HCN1: variants seen among roughly 807,000 people sequenced by gnomAD.
HCN1 encodes the protein hyperpolarization activated cyclic nucleotide gated potassium channel 1.
A neutral mutation model predicts 78.9 loss-of-function variants in HCN1; 13 were observed. The observed-to-expected ratio is 0.16, with a 90% CI of 0.11 to 0.26. HCN1 has a LOEUF of 0.26. HCN1 is among the 10% of genes least tolerant of loss of function. The pLI is 1.00. For missense variants in HCN1, 810 were observed against 1,154.3 expected, an observed-to-expected ratio of 0.70 and a Z score of 4.32; for synonymous variants, 552 against 455.5, an observed-to-expected ratio of 1.21 and a Z score of -2.70.
chr5:45,267,661 G>A (rs530466560), intron 6 of HCN1, among the ~76,000 whole-genome samples: 6 of 152,060 alleles, frequency 3.9e-5, no homozygotes, highest in African/African-American at 1.2e-4. Context: ...CCAGCTACTC[G>A]GGAGGCTGAG....
At chr5:45,668,735 T>C (rs1000432097) in intron 1 of HCN1, among the ~76,000 whole-genome samples, 3 of 151,958 alleles carry the variant, frequency 2.0e-5, no homozygotes, top group African/African-American at 7.2e-5. Flanking sequence ...TGTTACATTC[T>C]GTGACAAGAA....
chr5:45,307,052 C>T (rs1006875711), intron 5 of HCN1, among the ~76,000 whole-genome samples: 1 of 151,928 alleles, frequency 6.6e-6, no homozygotes, highest in South Asian at 2.1e-4. Context: ...GAACAAGAAC[C>T]CCACAGTAAT....
At chr5:45,581,529 A>G (rs1744072710) in intron 2 of HCN1, among the ~76,000 whole-genome samples, 1 of 151,958 alleles carries the variant, frequency 6.6e-6, no homozygotes, top group Non-Finnish European at 1.5e-5. Context: ...GTTTAATTAG[A>G]TCCCATTTGT....
At chr5:45,625,710 G>C (rs1745151387) in intron 2 of HCN1, among the ~76,000 whole-genome samples, 1 of 151,458 alleles carries the variant, frequency 6.6e-6, no homozygotes, top group African/African-American at 2.4e-5. Flanking sequence ...TAATAAAATA[G>C]ATCAATTCAG....
intron 1 of HCN1, among the ~76,000 whole-genome samples, chr5:45,668,910 G>A (rs1490074792): frequency 6.6e-6 from 1 of 151,794 alleles, no homozygotes; most frequent in East Asian, 1.9e-4. Context: ...ATTGACCAAA[G>A]CAAATTCTTT....
At chr5:45,349,588 G>A (rs887520548) in intron 5 of HCN1, among the ~76,000 whole-genome samples, 1 of 152,088 alleles carries the variant, frequency 6.6e-6, no homozygotes, top group Non-Finnish European at 1.5e-5. Context: ...TGCAGGAGCT[G>A]GTTTTTTGAA....
intron 5 of HCN1, among the ~76,000 whole-genome samples, chr5:45,326,462 T>C (rs868069503): frequency 6.6e-6 from 1 of 151,622 alleles, no homozygotes; most frequent in African/African-American, 2.4e-5. Flanking sequence ...AAATGTTTCA[T>C]CTTATGTTAA....
chr5:45,585,899 G>A (rs1315243980), intron 2 of HCN1, among the ~76,000 whole-genome samples: 1 of 152,152 alleles, frequency 6.6e-6, no homozygotes, highest in African/African-American at 2.4e-5. Context: ...TTGTCTCAGA[G>A]GAGTACCCAG....
intron 2 of HCN1, among the ~76,000 whole-genome samples, chr5:45,579,767 A>G (rs1744020132): frequency 6.6e-6 from 1 of 152,140 alleles, no homozygotes; most frequent in African/African-American, 2.4e-5. Flanking sequence ...TGAAATACAC[A>G]TCTATATAAA....
chr5:45,287,895 G>A (rs1002004134), intron 6 of HCN1, among the ~76,000 whole-genome samples: 23 of 152,066 alleles, frequency 1.5e-4, no homozygotes, highest in African/African-American at 7.2e-5. Flanking sequence ...TGGCCCTTTC[G>A]CTTATGCTAA....
At chr5:45,629,582 T>TA (rs1362112101) in intron 2 of HCN1, among the ~76,000 whole-genome samples, 3 of 152,042 alleles carry the variant, frequency 2.0e-5, no homozygotes, top group Non-Finnish European at 2.9e-5. Flanking sequence ...CTGAATTCTT[T>TA]AAAAAACAAA....
intron 2 of HCN1, among the ~76,000 whole-genome samples, chr5:45,543,309 T>C (rs1423343819): frequency 6.6e-6 from 1 of 151,120 alleles, no homozygotes; most frequent in Non-Finnish European, 1.5e-5. Context: ...TAGAAGGAGA[T>C]AAAAAAAATA....
chr5:45,519,416 T>C (rs985225332), intron 2 of HCN1, among the ~76,000 whole-genome samples: 1 of 152,158 alleles, frequency 6.6e-6, no homozygotes, highest in South Asian at 2.1e-4. Context: ...GCTAATTTTT[T>C]AGTAGATAAG....
At chr5:45,524,370 T>C (rs1742684358) in intron 2 of HCN1, among the ~76,000 whole-genome samples, 1 of 152,178 alleles carries the variant, frequency 6.6e-6, no homozygotes, top group Non-Finnish European at 1.5e-5. Flanking sequence ...ATATGAACTT[T>C]AAAGTAGTTT....
At chr5:45,526,015 T>G (rs1402725000) in intron 2 of HCN1, among the ~76,000 whole-genome samples, 1 of 151,900 alleles carries the variant, frequency 6.6e-6, no homozygotes, top group Non-Finnish European at 1.5e-5. Context: ...AAGTTGGCAG[T>G]CGGCAAACCA....
chr5:45,383,865 T>TACAAAAGAA (rs1747863938), intron 4 of HCN1, among the ~76,000 whole-genome samples: 4 of 152,174 alleles, frequency 2.6e-5, no homozygotes, highest in African/African-American at 9.6e-5. Context: ...ACAGATTCTC[T>TACAAAAGAA]TGCCTTGTTT....
intron 3 of HCN1, among the ~76,000 whole-genome samples, chr5:45,412,234 T>C (rs1420935772): frequency 6.6e-6 from 1 of 152,096 alleles, no homozygotes; most frequent in East Asian, 1.9e-4. Flanking sequence ...CTTCAGTGAG[T>C]TTAAAGCATT....
intron 6 of HCN1, among the ~76,000 whole-genome samples, chr5:45,268,102 C>G (rs1472916873): frequency 6.6e-6 from 1 of 152,090 alleles, no homozygotes; most frequent in Non-Finnish European, 1.5e-5. Flanking sequence ...ATAGGCATGT[C>G]TAATGTAGTT....
chr5:45,597,671 C>T (rs1036132984), intron 2 of HCN1, among the ~76,000 whole-genome samples: 13 of 152,134 alleles, frequency 8.5e-5, no homozygotes, highest in Non-Finnish European at 1.2e-4. Context: ...TAGAAAACTC[C>T]GTCATCTCAG....
Sources: allele counts gnomAD v4.1 joint callset (sites outside exome capture counted in the v4.1 genomes callset), GRCh38; gene constraint gnomAD v4.1.1; transcripts MANE v1.5; gene names NCBI Gene and HGNC (gene_info 2026-07-23, HGNC 2026-07-21).